PHF24: variants seen among roughly 807,000 people sequenced by gnomAD.
PHF24 encodes the protein Galpha inhibitory interacting protein.
In PHF24, 25 loss-of-function variants were observed where a neutral mutation model predicts 42.6. The observed-to-expected ratio is 0.59, with a 90% CI of 0.43 to 0.82. The LOEUF is 0.82. Ranked by LOEUF, PHF24 falls within the 40% of genes least tolerant of loss-of-function variation. PHF24 has a pLI of 0.00. For synonymous variants in PHF24, 185 were observed against 204.8 expected (o/e 0.90, Z 0.83); for missense variants, 470 against 538.1 (o/e 0.87, Z 1.25).
At chr9:34,922,836 A>G in the PHF24 span, 3 of 1,591,086 alleles carry the variant, frequency 1.9e-6, no homozygotes, top group Non-Finnish European at 1.7e-6. Context: ...TTGCTCAGTT[A>G]CAGACTTCAT....
At chr9:34,846,886 G>T in the PHF24 span, among the ~76,000 whole-genome samples, 1 of 152,116 alleles carries the variant, frequency 6.6e-6, no homozygotes, top group African/African-American at 2.4e-5. Context: ...TTTTTCTCAG[G>T]TTTGTCAAAG....
chr9:34,972,891 C>T lies in PHF24; in HGVS notation c.564+360C>T, dbSNP rs548714874. On this transcript the variant is annotated intron_variant, in intron 3 of 7. Coordinates refer to ENST00000242315, the Ensembl canonical transcript of PHF24. ...ATCGCGCCACTGCACTCCAGCCTGG[C>T]GACAGAGCGAGACTCTGTCTCGAAA... Among the ~76,000 whole-genome samples the T allele has an allele frequency of 5.9e-5, 8 of 136,478 alleles. 1 individual carries two copies. The South Asian group carries it at 1.1e-3, about 19-fold the overall frequency. 89.5% of individuals were successfully genotyped at this position (136,478 alleles called of 152,430 possible).
At chr9:34,753,666 A>C in the PHF24 span, among the ~76,000 whole-genome samples, 2 of 152,154 alleles carry the variant, frequency 1.3e-5, no homozygotes, top group African/African-American at 4.8e-5. Context: ...GAACTACAAA[A>C]GGAACAGAAT....
the PHF24 span, among the ~76,000 whole-genome samples, chr9:34,851,010 T>TG: frequency 6.6e-6 from 1 of 152,108 alleles, no homozygotes; most frequent in Admixed American, 6.5e-5. Flanking sequence ...CTGCCCCTAC[T>TG]GGGGGGTGCC....
chr9:34,666,598 T>C, the PHF24 span, among the ~76,000 whole-genome samples: 1 of 148,702 alleles, frequency 6.7e-6, no homozygotes, highest in Non-Finnish European at 1.5e-5. Context: ...AACAAATATT[T>C]GCTGAATGAC....
the PHF24 span, chr9:34,666,088 G>T: frequency 8.7e-6 from 2 of 229,400 alleles, no homozygotes; most frequent in Admixed American, 1.0e-4. Flanking sequence ...TGCGCACTAG[G>T]TTTGCCTGTC....
chr9:34,892,707 G>A, the PHF24 span: 3 of 473,650 alleles, frequency 6.3e-6, no homozygotes, highest in African/African-American at 3.9e-5. Flanking sequence ...CTCTCCTGCT[G>A]GCTCAGAGGA....
chr9:34,667,398 T>A, the PHF24 span, among the ~76,000 whole-genome samples: 2 of 152,156 alleles, frequency 1.3e-5, no homozygotes, highest in Non-Finnish European at 2.9e-5. Context: ...GGGTGCTAGG[T>A]GGTTTTATTG....
the PHF24 span, among the ~76,000 whole-genome samples, chr9:34,946,048 C>T: frequency 2.0e-5 from 3 of 152,102 alleles, no homozygotes; most frequent in Non-Finnish European, 4.4e-5. Flanking sequence ...GCAGTTGATT[C>T]GGAGTGCAGC....
the PHF24 span, among the ~76,000 whole-genome samples, chr9:34,840,483 T>C: frequency 6.6e-6 from 1 of 151,508 alleles, no homozygotes; most frequent in African/African-American, 2.4e-5. Context: ...TCCTCCTCCT[T>C]CTTCTTCCCC....
the PHF24 span, among the ~76,000 whole-genome samples, chr9:34,742,287 C>T: frequency 0.013 from 1,939 of 152,264 alleles, 50 homozygotes; most frequent in African/African-American, 0.043. Flanking sequence ...AAAGAGGTCC[C>T]CTCACAAACT....
the PHF24 span, among the ~76,000 whole-genome samples, chr9:34,923,169 A>G: frequency 6.6e-6 from 1 of 151,578 alleles, no homozygotes; most frequent in Admixed American, 6.6e-5. Context: ...TATCACATTG[A>G]TTAATTTGCA....
At chr9:34,910,508 C>T in the PHF24 span, among the ~76,000 whole-genome samples, 1 of 152,120 alleles carries the variant, frequency 6.6e-6, no homozygotes, top group Non-Finnish European at 1.5e-5. Context: ...TGTTAATTAG[C>T]TCAAATTAGC....
At chr9:34,709,288 G>A in the PHF24 span, 4 of 1,337,556 alleles carry the variant, frequency 3.0e-6, no homozygotes, top group Non-Finnish European at 4.2e-6. Context: ...GCATGGGGTG[G>A]CTGCTCCAGG....
chr9:34,820,610 C>T, the PHF24 span, among the ~76,000 whole-genome samples: 1 of 152,016 alleles, frequency 6.6e-6, no homozygotes, highest in Admixed American at 6.6e-5. Flanking sequence ...ATATATGTAC[C>T]ACATTTTCTT....
At chr9:34,719,495 C>A in the PHF24 span, among the ~76,000 whole-genome samples, 4 of 152,190 alleles carry the variant, frequency 2.6e-5, no homozygotes, top group Non-Finnish European at 5.9e-5. Context: ...ATCATAGGCT[C>A]TGACCCTGAC....
At chr9:34,851,620 C>T in the PHF24 span, among the ~76,000 whole-genome samples, 11 of 152,162 alleles carry the variant, frequency 7.2e-5, no homozygotes, top group East Asian at 1.2e-3. Flanking sequence ...GTCCTGCGCC[C>T]ACTCTCTGGC....
the PHF24 span, among the ~76,000 whole-genome samples, chr9:34,806,460 G>T: frequency 1.3e-5 from 2 of 151,974 alleles, no homozygotes; most frequent in Non-Finnish European, 2.9e-5. Flanking sequence ...GGGGTTTTTT[G>T]TGTGTGTGCT....
the PHF24 span, among the ~76,000 whole-genome samples, chr9:34,836,456 G>A: frequency 6.6e-6 from 1 of 152,210 alleles, no homozygotes; most frequent in South Asian, 2.1e-4. Flanking sequence ...GAAACCCGAA[G>A]TCTAGTTTTC....
Sources: gnomAD v4.1 joint callset for allele counts (sites outside exome capture counted in the v4.1 genomes callset) on GRCh38, gnomAD v4.1.1 for gene constraint, MANE v1.5 for transcripts, NCBI Gene and HGNC (gene_info 2026-07-23, HGNC 2026-07-21) for gene names.